PUDP: variants seen among roughly 807,000 people sequenced by gnomAD.
PUDP encodes the protein pseudouridine 5'-phosphatase, also known as pseudouridine-5'-phosphatase.
A neutral mutation model predicts 9.4 loss-of-function variants in PUDP; 8 were observed. That is an observed-to-expected ratio of 0.85 (90% CI 0.50 to 1.53). The LOEUF (loss-of-function observed/expected upper bound fraction) is 1.53, where lower values mean the gene tolerates loss of function less well. Ranked by LOEUF, PUDP falls within the 40% of genes most tolerant of loss-of-function variation. PUDP has a pLI of 0.00. For missense variants in PUDP, 188 were observed against 189.7 expected, an observed-to-expected ratio of 0.99 and a Z score of 0.05; for synonymous variants, 99 against 80.7, an observed-to-expected ratio of 1.23 and a Z score of -1.22.
At chrX:6,764,817 TACTG>T (rs1374596254) in intron 3 of PUDP, among the ~76,000 whole-genome samples, 1 of 111,656 alleles carries the variant, frequency 9.0e-6, no homozygotes, top group Non-Finnish European at 1.9e-5. Context: ...ACTGAAAAAA[TACTG>T]ACTACTACTG....
At chrX:7,002,870 C>A (rs1314803065) in intron 1 of PUDP, among the ~76,000 whole-genome samples, 1 of 110,179 alleles carries the variant, frequency 9.1e-6, no homozygotes, top group African/African-American at 3.3e-5. Context: ...TCTCCCTCAT[C>A]CCCTGTGAAG....
rs189654051 is a variant in PUDP at position 6,799,842 on chromosome X, A to T, written c.*248-93376T>A. Among the ~76,000 whole-genome samples the T allele has an allele frequency of 6.4e-4, 72 of 111,633 alleles. 1 individual carries two copies. The highest frequency in any genetic ancestry group is 4.6e-4 in the African/African-American group (14 of 30,734). On this transcript the variant is annotated intron_variant and NMD_transcript_variant, in intron 3 of 3. Transcript: ENST00000655425. The stretch of plus-strand genomic sequence containing the variant: ...CAAGAGCGAAACTCTGTCTCAAAAA[A>T]AATAATAAAAAAAAAATAACATTGG...
At chrX:6,943,033 A>AC (rs1249984429) in intron 3 of PUDP, among the ~76,000 whole-genome samples, 21 of 111,934 alleles carry the variant, frequency 1.9e-4, no homozygotes, top group Non-Finnish European at 3.6e-4. Context: ...GCCAAATGAA[A>AC]CCGATGCACC....
At chrX:6,777,529 C>A (rs914761758) in intron 3 of PUDP, among the ~76,000 whole-genome samples, 3 of 112,377 alleles carry the variant, frequency 2.7e-5, no homozygotes, top group African/African-American at 9.7e-5. Flanking sequence ...TATTTTGCAA[C>A]TGTATGAATG....
At chrX:7,054,048 G>A (rs1315299697) in intron 3 of PUDP, among the ~76,000 whole-genome samples, 3 of 111,982 alleles carry the variant, frequency 2.7e-5, no homozygotes, top group Non-Finnish European at 5.6e-5. Context: ...ATAAAGTAAG[G>A]GGGACTCGAA....
At chrX:7,044,571 A>C (rs1238085630), downstream of PUDP, among the ~76,000 whole-genome samples, 2 of 112,326 alleles carry the variant, frequency 1.8e-5, no homozygotes, top group African/African-American at 6.5e-5. Flanking sequence ...CCACTTCATA[A>C]GTGGATAATC....
At chrX:6,834,742 G>A (rs149409550) in intron 3 of PUDP, among the ~76,000 whole-genome samples, 2,255 of 111,384 alleles carry the variant, frequency 0.02, 58 homozygotes, top group African/African-American at 0.07. Flanking sequence ...CAAAATCAAT[G>A]AGCTAGCATC....
intron 1 of PUDP, among the ~76,000 whole-genome samples, chrX:7,143,372 T>C (rs911422277): frequency 8.9e-6 from 1 of 111,949 alleles, no homozygotes; most frequent in Non-Finnish European, 1.9e-5. Context: ...TTAAAGATTC[T>C]AAATAAAACC....
At chrX:6,866,862 G>A (rs111713559) in intron 3 of PUDP, among the ~76,000 whole-genome samples, 6 of 111,389 alleles carry the variant, frequency 5.4e-5, no homozygotes, top group Admixed American at 4.8e-4. Flanking sequence ...AAAATGTCAC[G>A]GAAACTTACA....
At chrX:6,823,288 A>T in intron 3 of PUDP, among the ~76,000 whole-genome samples, 1 of 112,165 alleles carries the variant, frequency 8.9e-6, no homozygotes, top group East Asian at 2.8e-4. Context: ...CAGGTTCAGC[A>T]AACAGATGTA....
chrX:7,070,539 A>C (rs1930698884), intron 3 of PUDP, among the ~76,000 whole-genome samples: 1 of 111,252 alleles, frequency 9.0e-6, no homozygotes, highest in African/African-American at 3.3e-5. Flanking sequence ...AATCTCCCCA[A>C]AACCAGAGGT....
At chrX:6,984,521 A>G (rs1448345078) in intron 1 of PUDP, among the ~76,000 whole-genome samples, 1 of 111,627 alleles carries the variant, frequency 9.0e-6, no homozygotes, top group Non-Finnish European at 1.9e-5. Flanking sequence ...AGGTGGGTTA[A>G]GTTTTAGTTC....
At chrX:6,751,666 C>T (rs776027505) in intron 3 of PUDP, among the ~76,000 whole-genome samples, 31 of 111,449 alleles carry the variant, frequency 2.8e-4, no homozygotes, top group East Asian at 8.5e-4. Flanking sequence ...CTTTAAGAGA[C>T]GTCAGAAATA....
rs766865475 is a variant in PUDP, at chrX:6,769,180, A to G, written c.*248-62714T>C. Among the ~76,000 whole-genome samples the G allele has an allele frequency of 3.6e-5, 4 of 112,432 alleles. No homozygotes were observed. The East Asian group carries it at 1.1e-3, about 31-fold the overall frequency. On this transcript the variant is annotated intron_variant and NMD_transcript_variant, in intron 3 of 3. Coordinates refer to the PUDP transcript ENST00000655425. ...AACCTGATTCCTTGTTGTCTGCCAA[A>G]GATAAGCCACTCGAGGGGCTTTCTG...
intron 1 of PUDP, among the ~76,000 whole-genome samples, chrX:7,137,018 T>C (rs1932755110): frequency 9.0e-6 from 1 of 111,708 alleles, no homozygotes; most frequent in Non-Finnish European, 1.9e-5. Context: ...TTAATAACTC[T>C]GTGCTGAGGT....
intron 1 of PUDP, among the ~76,000 whole-genome samples, chrX:7,033,559 A>G (rs1485692364): frequency 1.8e-5 from 2 of 112,347 alleles, no homozygotes; most frequent in Non-Finnish European, 3.8e-5. Context: ...TTCAACAAAT[A>G]TCTGTTGAGC....
chrX:7,127,390 G>C (rs1243917657), intron 1 of PUDP, among the ~76,000 whole-genome samples: 1 of 112,351 alleles, frequency 8.9e-6, no homozygotes, highest in Non-Finnish European at 1.9e-5. Flanking sequence ...CTACATGAAA[G>C]ATATCCAGAA....
At position 6,767,274 on chromosome X, in the gene PUDP, G is replaced by A. The variant is rs5948758; in HGVS notation, c.*248-60808C>T. On this transcript the variant is annotated intron_variant and NMD_transcript_variant, in intron 3 of 3. Coordinates refer to the PUDP transcript ENST00000655425. ...TCCATTGCTAACAAAAGGAGAGTCA[G>A]TTCCCTTACTGTTTGTAAAGCACCT... Among the ~76,000 whole-genome samples, 103 of 112,615 alleles carry A rather than the reference G, an allele frequency of 9.1e-4. 1 individual carries two copies. Among genetic ancestry groups the A allele is most frequent in the Admixed American group, 2.0e-3 (21 of 10,648 alleles).
intron 2 of PUDP, among the ~76,000 whole-genome samples, chrX:7,086,803 T>C (rs1931278137): frequency 8.9e-6 from 1 of 111,941 alleles, no homozygotes; most frequent in Admixed American, 9.5e-5. Context: ...CTTATGGAAT[T>C]TGCACCACAG....
Sources: gnomAD v4.1 joint callset for allele counts (sites outside exome capture counted in the v4.1 genomes callset) on GRCh38, gnomAD v4.1.1 for gene constraint, MANE v1.5 for transcripts, NCBI Gene and HGNC (gene_info 2026-07-23, HGNC 2026-07-21) for gene names.